The following AKR1C8 variants were observed in gnomAD, a reference collection of about 807,000 sequenced individuals.
The protein encoded by AKR1C8 is aldo-keto reductase family 1 member C-like protein 1.
the AKR1C8 span, among the ~76,000 whole-genome samples, chr10:5,164,188 C>G: frequency 6.6e-6 from 1 of 152,082 alleles, no homozygotes; most frequent in Non-Finnish European, 1.5e-5. Flanking sequence ...ACTTCAGTCT[C>G]TGATTGGTCC....
chr10:5,124,352 C>G, the AKR1C8 span, among the ~76,000 whole-genome samples: 2 of 152,078 alleles, frequency 1.3e-5, no homozygotes, highest in African/African-American at 2.4e-5. Flanking sequence ...AAATATTTGC[C>G]TCCACTGATG....
chr10:5,164,144 T>C, the AKR1C8 span, among the ~76,000 whole-genome samples: 5 of 152,108 alleles, frequency 3.3e-5, no homozygotes, highest in Non-Finnish European at 7.3e-5. Context: ...CAACTCTCTA[T>C]TAGTCTCGGA....
chr10:5,142,211 T>C, the AKR1C8 span, among the ~76,000 whole-genome samples: 1 of 152,174 alleles, frequency 6.6e-6, no homozygotes, highest in Non-Finnish European at 1.5e-5. Context: ...TGAGCCTTCA[T>C]ACACTTGAAG....
chr10:5,148,845 C>T, the AKR1C8 span, among the ~76,000 whole-genome samples: 18 of 152,150 alleles, frequency 1.2e-4, no homozygotes, highest in Middle Eastern at 3.4e-3. Flanking sequence ...TCTTTCCTTT[C>T]TTAGTAAGGC....
the AKR1C8 span, among the ~76,000 whole-genome samples, chr10:5,127,350 T>C: frequency 6.6e-6 from 1 of 152,114 alleles, no homozygotes; most frequent in African/African-American, 2.4e-5. Flanking sequence ...GTTTCAACAA[T>C]AGACTAGAAC....
chr10:5,139,726 A>G, the AKR1C8 span, among the ~76,000 whole-genome samples: 3 of 152,330 alleles, frequency 2.0e-5, no homozygotes, highest in South Asian at 6.2e-4. Context: ...AATACCATTC[A>G]GGACATAGGC....
chr10:5,121,115 G>A, the AKR1C8 span, among the ~76,000 whole-genome samples: 1 of 151,910 alleles, frequency 6.6e-6, no homozygotes, highest in African/African-American at 2.4e-5. Flanking sequence ...TCTCTGTCGG[G>A]TGCAAACACA....
the AKR1C8 span, among the ~76,000 whole-genome samples, chr10:5,162,311 G>A: frequency 2.7e-3 from 409 of 152,276 alleles, 3 homozygotes; most frequent in African/African-American, 9.4e-3. Context: ...CTCTTGTCCT[G>A]TATAATAAAT....
the AKR1C8 span, among the ~76,000 whole-genome samples, chr10:5,135,799 G>A: frequency 6.6e-6 from 1 of 152,018 alleles, no homozygotes; most frequent in East Asian, 1.9e-4. Context: ...TTTAACAGGT[G>A]ACAATAAAAA....
the AKR1C8 span, among the ~76,000 whole-genome samples, chr10:5,160,493 G>A: frequency 6.6e-6 from 1 of 152,114 alleles, no homozygotes; most frequent in African/African-American, 2.4e-5. Context: ...TCCATGATGT[G>A]TTTCTATCCA....
chr10:5,159,738 C>T, the AKR1C8 span: 1 of 457,856 alleles, frequency 2.2e-6, no homozygotes, highest in Non-Finnish European at 4.5e-6. Flanking sequence ...ACTCAAATTG[C>T]TCTTTCTCTG....
the AKR1C8 span, among the ~76,000 whole-genome samples, chr10:5,139,426 C>G: frequency 6.6e-6 from 1 of 152,204 alleles, no homozygotes; most frequent in Non-Finnish European, 1.5e-5. Flanking sequence ...GTAACCAAAA[C>G]AACATGGTAC....
chr10:5,163,395 G>A, the AKR1C8 span, among the ~76,000 whole-genome samples: 18 of 152,156 alleles, frequency 1.2e-4, no homozygotes, highest in Non-Finnish European at 2.2e-4. Context: ...TCATGTTATA[G>A]TTCTACCAAG....
chr10:5,162,866 A>C, the AKR1C8 span: 1 of 534,240 alleles, frequency 1.9e-6, no homozygotes, highest in Admixed American at 1.9e-5. Context: ...GATGGTGTAG[A>C]ATATTTCCTC....
the AKR1C8 span, among the ~76,000 whole-genome samples, chr10:5,151,233 C>T: frequency 6.6e-6 from 1 of 152,110 alleles, no homozygotes; most frequent in African/African-American, 2.4e-5. Flanking sequence ...TATCCAGGAG[C>T]AATTTATGGA....
At chr10:5,148,240 A>G in the AKR1C8 span, among the ~76,000 whole-genome samples, 1 of 151,992 alleles carries the variant, frequency 6.6e-6, no homozygotes, top group African/African-American at 2.4e-5. Flanking sequence ...AACATAGGAG[A>G]TAGAGAGGAG....
At chr10:5,176,505 T>A in the AKR1C8 span, among the ~76,000 whole-genome samples, 1 of 150,798 alleles carries the variant, frequency 6.6e-6, no homozygotes, top group Non-Finnish European at 1.5e-5. Flanking sequence ...TTTTTTCCAA[T>A]TCTGTGAAGA....
At chr10:5,120,335 C>G in the AKR1C8 span, among the ~76,000 whole-genome samples, 2 of 151,328 alleles carry the variant, frequency 1.3e-5, no homozygotes, top group African/African-American at 4.9e-5. Flanking sequence ...ACTCCACACT[C>G]TATATTTCTG....
the AKR1C8 span, chr10:5,161,627 GA>G: frequency 1.9e-6 from 1 of 518,086 alleles, no homozygotes; most frequent in Non-Finnish European, 3.9e-6. Flanking sequence ...TGAGATCATT[GA>G]ATCTGAATCC....
Sources: gnomAD v4.1 joint callset for allele counts (sites outside exome capture counted in the v4.1 genomes callset) on GRCh38, gnomAD v4.1.1 for gene constraint, MANE v1.5 for transcripts, NCBI Gene and HGNC (gene_info 2026-07-23, HGNC 2026-07-21) for gene names.